KIAA0825: variants seen among roughly 807,000 people sequenced by gnomAD.
KIAA0825 encodes the protein uncharacterized protein KIAA0825.
KIAA0825 carries 119 observed loss-of-function variants against 147.6 expected under a neutral mutation model. The observed-to-expected ratio is 0.81, with a 90% confidence interval of 0.69 to 0.94. KIAA0825 has a LOEUF of 0.94. KIAA0825 is among the 40% of genes least tolerant of loss of function. The pLI, the probability that KIAA0825 is intolerant of heterozygous loss-of-function variation, is 0.00. For synonymous variants in KIAA0825, 470 were observed against 518.1 expected, an observed-to-expected ratio of 0.91 and a Z score of 1.26; for missense variants, 1,381 against 1,472.7, an observed-to-expected ratio of 0.94 and a Z score of 1.02.
At chr5:94,295,771 T>C (rs912747354) in intron 20 of KIAA0825, among the ~76,000 whole-genome samples, 4 of 152,150 alleles carry the variant, frequency 2.6e-5, no homozygotes, top group Admixed American at 2.6e-4. Context: ...ACAGCAAAGA[T>C]TGCTGCCTGT....
intron 5 of KIAA0825, among the ~76,000 whole-genome samples, chr5:94,486,771 T>G (rs1403324602): frequency 6.6e-6 from 1 of 152,172 alleles, no homozygotes; most frequent in African/African-American, 2.4e-5. Flanking sequence ...GGTACTTGAT[T>G]CCCATTTGGT....
intron 5 of KIAA0825, among the ~76,000 whole-genome samples, chr5:94,518,502 G>A (rs1767601253): frequency 6.6e-6 from 1 of 152,072 alleles, no homozygotes; most frequent in Non-Finnish European, 1.5e-5. Flanking sequence ...CAATAGCATG[G>A]TGCTTGAGAA....
chr5:94,477,123 T>C lies in KIAA0825; in HGVS notation c.1215A>G (p.Leu405=), dbSNP rs1208607959. The stretch of plus-strand genomic sequence containing the variant: ...TTCCTTCACTTACCTCTTTTCCTGG[T>C]AGTGATTGCTCGGAAGGAATATTGG... The part of the protein sequence containing the change: ...NETNIPSEQS[L]PGKEATLLDF... The change falls in exon 7 of 21, where the codon CTA becomes CTG. Residue 405 remains leucine (L), a synonymous_variant. Coordinates refer to ENST00000682413, the MANE Select transcript of KIAA0825 (RefSeq NM_001145678.3). 6.5e-7 allele frequency: 1 copy of C among 1,550,194 alleles called. No homozygotes were observed. Among genetic ancestry groups the C allele is most frequent in the Non-Finnish European group, 8.7e-7 (1 of 1,146,222 alleles).
At chr5:94,381,393 G>T (rs544465853) in intron 20 of KIAA0825, among the ~76,000 whole-genome samples, 33 of 152,288 alleles carry the variant, frequency 2.2e-4, no homozygotes, top group African/African-American at 7.0e-4. Context: ...ATTCCACTGA[G>T]TTCCAAAAAG....
rs73132701 is a variant in KIAA0825 at position 94,597,485 on chromosome 5, A to C, written c.-152-14902T>G. On this transcript the variant is annotated intron_variant, in intron 1 of 20. Transcript: ENST00000682413. Reference sequence around the variant, plus strand: ...TTTACTGAATTAAAGAAAAAACACAATATTACACATTTCATATGATGCATA... The same window carrying C: ...TTTACTGAATTAAAGAAAAAACACACTATTACACATTTCATATGATGCATA... Among the ~76,000 whole-genome samples the C allele has an allele frequency of 2.6e-5, 4 of 152,240 alleles. No homozygotes were observed. The South Asian group carries it at 8.3e-4, about 31-fold the overall frequency.
intron 20 of KIAA0825, among the ~76,000 whole-genome samples, chr5:94,250,389 A>G (rs1775887189): frequency 6.6e-6 from 1 of 152,208 alleles, no homozygotes; most frequent in Non-Finnish European, 1.5e-5. Flanking sequence ...AAAACAGAAT[A>G]TAATTATTAA....
At chr5:94,477,775 G>C (rs1045119751) in intron 6 of KIAA0825, among the ~76,000 whole-genome samples, 2 of 151,824 alleles carry the variant, frequency 1.3e-5, no homozygotes, top group African/African-American at 4.8e-5. Flanking sequence ...TCCGAAAATG[G>C]AAATATTTCC....
intron 5 of KIAA0825, among the ~76,000 whole-genome samples, chr5:94,489,660 T>C (rs1401877506): frequency 6.7e-6 from 1 of 149,758 alleles, no homozygotes; most frequent in East Asian, 2.0e-4. Context: ...CTGAGGTGGG[T>C]GGATCACCTG....
intron 5 of KIAA0825, among the ~76,000 whole-genome samples, chr5:94,507,246 G>A (rs925446755): frequency 7.2e-5 from 11 of 152,154 alleles, no homozygotes; most frequent in Admixed American, 6.5e-5. Flanking sequence ...TCAGGAGACC[G>A]AGACCATCTT....
At chr5:94,182,940 G>T (rs546059878) in intron 20 of KIAA0825, among the ~76,000 whole-genome samples, 1 of 152,256 alleles carries the variant, frequency 6.6e-6, no homozygotes, top group African/African-American at 2.4e-5. Context: ...CAGGTTCTTA[G>T]TAATTATGGT....
At chr5:94,424,159 T>A (rs1477017415) in intron 14 of KIAA0825, among the ~76,000 whole-genome samples, 1 of 152,174 alleles carries the variant, frequency 6.6e-6, no homozygotes, top group Non-Finnish European at 1.5e-5. Context: ...CCATAAAAAA[T>A]ACAGTTTTAT....
chr5:94,219,431 G>C (rs1187002298), intron 20 of KIAA0825, among the ~76,000 whole-genome samples: 1 of 152,116 alleles, frequency 6.6e-6, no homozygotes, highest in Admixed American at 6.6e-5. Flanking sequence ...TCTGTGGCCT[G>C]GGGGTTGGAG....
chr5:94,527,014 C>T (rs567842810), intron 3 of KIAA0825, among the ~76,000 whole-genome samples: 60 of 151,974 alleles, frequency 3.9e-4, no homozygotes, highest in Non-Finnish European at 6.6e-4. Flanking sequence ...AGTAGAATCA[C>T]GGTACTTAAA....
intron 14 of KIAA0825, among the ~76,000 whole-genome samples, chr5:94,433,024 CATTTT>C (rs753533528): frequency 1.3e-5 from 2 of 151,932 alleles, no homozygotes; most frequent in African/African-American, 2.4e-5. Flanking sequence ...TTGATTCATT[CATTTT>C]ATTTTATTTT....
intron 2 of KIAA0825, chr5:94,570,453 C>T (rs1250428632): frequency 6.5e-6 from 1 of 152,684 alleles, no homozygotes; most frequent in Non-Finnish European, 1.5e-5. Context: ...GCAGCAATTC[C>T]TATACTCCAC....
At chr5:94,447,970 A>C (rs1263416947) in intron 13 of KIAA0825, among the ~76,000 whole-genome samples, 3 of 152,062 alleles carry the variant, frequency 2.0e-5, no homozygotes, top group Non-Finnish European at 4.4e-5. Context: ...TGACCTACTT[A>C]GCTAAGGAAG....
chr5:94,576,971 G>A (rs943756243), intron 2 of KIAA0825, among the ~76,000 whole-genome samples: 3 of 152,170 alleles, frequency 2.0e-5, no homozygotes, highest in Non-Finnish European at 4.4e-5. Flanking sequence ...TTTAAAAGAT[G>A]CACAGCAATT....
chr5:94,561,906 TA>T (rs1777618810), intron 2 of KIAA0825, among the ~76,000 whole-genome samples: 1 of 152,212 alleles, frequency 6.6e-6, no homozygotes, highest in Non-Finnish European at 1.5e-5. Flanking sequence ...TTAAAGGCTA[TA>T]TATAACTATA....
At chr5:94,362,146 C>T (rs897966399) in intron 20 of KIAA0825, among the ~76,000 whole-genome samples, 2 of 152,126 alleles carry the variant, frequency 1.3e-5, no homozygotes, top group African/African-American at 4.8e-5. Flanking sequence ...GTCTACAAGG[C>T]CATTTGATCT....
Sources: allele counts gnomAD v4.1 joint callset (sites outside exome capture counted in the v4.1 genomes callset), GRCh38; gene constraint gnomAD v4.1.1; transcripts MANE v1.5; gene names NCBI Gene and HGNC (gene_info 2026-07-23, HGNC 2026-07-21).